The following ZNF804A variants were observed in gnomAD, a reference collection of about 807,000 sequenced individuals.
The protein encoded by ZNF804A is zinc finger protein 804A.
A neutral mutation model predicts 16.5 loss-of-function variants in ZNF804A; 2 were observed. The ratio of observed to expected loss-of-function variants is 0.12; its 90% CI spans 0.05 to 0.38. The LOEUF (loss-of-function observed/expected upper bound fraction) is 0.38. Among genes scored for constraint, ZNF804A ranks in the 10% least tolerant of loss-of-function variants. ZNF804A has a pLI of 0.99. For synonymous variants in ZNF804A, 534 were observed against 489.6 expected (o/e 1.09, Z -1.20); for missense variants, 1,473 against 1,390.7 (o/e 1.06, Z -0.94).
At chr2:184,776,446 G>C (rs1174087333) in intron 1 of ZNF804A, among the ~76,000 whole-genome samples, 1 of 151,176 alleles carries the variant, frequency 6.6e-6, no homozygotes, top group Non-Finnish European at 1.5e-5. Context: ...ACACTTTGGA[G>C]GTTCAGGTTT....
intron 1 of ZNF804A, among the ~76,000 whole-genome samples, chr2:184,763,599 C>T (rs1487485011): frequency 7.4e-6 from 1 of 134,422 alleles, no homozygotes; most frequent in African/African-American, 2.8e-5. Context: ...ATCTACCACT[C>T]TCTATTGCTT....
chr2:184,882,566 A>G (rs1482580354), intron 2 of ZNF804A, among the ~76,000 whole-genome samples: 1 of 152,082 alleles, frequency 6.6e-6, no homozygotes, highest in African/African-American at 2.4e-5. Flanking sequence ...AGCAAATTAA[A>G]AAATAATAAT....
rs372423343 is a variant in ZNF804A at position 184,803,306 on chromosome 2, C to T, written c.112-63063C>T. Among the ~76,000 whole-genome samples the T allele has an allele frequency of 1.4e-4, 22 of 152,198 alleles. No homozygotes were observed. The East Asian group carries it at 1.7e-3, about 12-fold the overall frequency. On this transcript the variant is annotated intron_variant, in intron 1 of 3. Coordinates refer to ENST00000302277, the MANE Select transcript of ZNF804A (RefSeq NM_194250.2). ...TCTTTAAATGTCATATTCTCATTGA[C>T]GCCCACCCTGACTGCCATATTTATA...
At chr2:184,662,028 G>C (rs1264113367) in intron 1 of ZNF804A, among the ~76,000 whole-genome samples, 1 of 152,170 alleles carries the variant, frequency 6.6e-6, no homozygotes, top group Admixed American at 6.6e-5. Context: ...GCACAACCCT[G>C]GAGAACTTTC....
rs141397832 is a variant in ZNF804A, at chr2:184,938,625, C to A, written c.3229C>A (p.Pro1077Thr). The A allele has an allele frequency of 5.6e-6, 9 of 1,613,854 alleles. No homozygotes were observed. In the African/African-American group the frequency reaches 1.1e-4, roughly 19 times the overall value. Reference sequence around the variant, plus strand: ...CTTTCCTCCAGCTGCCCTCCCACCCCCTAGCACACCTCTGCAGCCTTTGCC... The same window carrying A: ...CTTTCCTCCAGCTGCCCTCCCACCCACTAGCACACCTCTGCAGCCTTTGCC... ...FTFPPAALPP[P>T]STPLQPLPLQ... is the part of the protein sequence containing the mutation. Residue 1077 changes from proline (P) to threonine (T), a missense_variant, in exon 4 of 4, where the codon CCT becomes ACT. Physicochemically the swap from Pro to Thr is conservative, Grantham distance 38. Transcript: ENST00000302277.
At chr2:184,887,836 T>C (rs983422072) in intron 2 of ZNF804A, among the ~76,000 whole-genome samples, 9 of 152,116 alleles carry the variant, frequency 5.9e-5, no homozygotes, top group Non-Finnish European at 1.0e-4. Context: ...AGCCAAACCA[T>C]ATCAGGCCAC....
At chr2:184,691,080 C>T (rs1692717945) in intron 1 of ZNF804A, among the ~76,000 whole-genome samples, 1 of 151,898 alleles carries the variant, frequency 6.6e-6, no homozygotes. Context: ...GGGTTCACTC[C>T]ATCTGTATGG....
chr2:184,760,025 C>A (rs1036004049), intron 1 of ZNF804A, among the ~76,000 whole-genome samples: 8 of 152,078 alleles, frequency 5.3e-5, no homozygotes, highest in Non-Finnish European at 4.4e-5. Context: ...TCGCTGAGTC[C>A]GCCCTTAGTA....
intron 1 of ZNF804A, among the ~76,000 whole-genome samples, chr2:184,630,633 C>T (rs902443079): frequency 2.0e-5 from 3 of 152,186 alleles, no homozygotes; most frequent in Admixed American, 2.0e-4. Flanking sequence ...AAGGTTTAAT[C>T]TACTCATCTA....
intron 1 of ZNF804A, among the ~76,000 whole-genome samples, chr2:184,808,712 T>A (rs1206737686): frequency 6.6e-6 from 1 of 151,610 alleles, no homozygotes; most frequent in Non-Finnish European, 1.5e-5. Context: ...ACCCTAAATA[T>A]TTAGTAAAAA....
intron 2 of ZNF804A, among the ~76,000 whole-genome samples, chr2:184,927,512 C>G (rs1046050748): frequency 6.6e-6 from 1 of 152,200 alleles, no homozygotes; most frequent in African/African-American, 2.4e-5. Context: ...CTCCTCTTCA[C>G]TCAAAGCCTT....
rs1174181059 is a variant in ZNF804A at position 184,938,462 on chromosome 2, A to C, written c.3066A>C (p.Gln1022His). The C allele has an allele frequency of 1.9e-6, 3 of 1,613,958 alleles. No individual in the cohort carries two copies. Among genetic ancestry groups the C allele is most frequent in the Admixed American group, 1.7e-5 (1 of 59,970 alleles). The change falls in exon 4 of 4, where the codon CAA becomes CAC. Residue 1022 changes from glutamine to histidine, a missense_variant. By Grantham distance (24) the Gln-to-His change is conservative (BLOSUM62 0). Coordinates refer to ENST00000302277, the MANE Select transcript of ZNF804A (RefSeq NM_194250.2). ...VSGHTFVTAE[Q>H]ILAPLALPEQ... The stretch of plus-strand genomic sequence containing the variant: ...GTCATACTTTTGTAACAGCTGAGCA[A>C]ATCCTGGCTCCATTAGCTTTACCAG...
At chr2:184,714,420 AT>A (rs1242356710) in intron 1 of ZNF804A, among the ~76,000 whole-genome samples, 2 of 152,116 alleles carry the variant, frequency 1.3e-5, no homozygotes, top group African/African-American at 4.8e-5. Context: ...AAAGTTTAGA[AT>A]TGTTATATTC....
At chr2:184,877,720 A>T (rs1684730676) in intron 2 of ZNF804A, among the ~76,000 whole-genome samples, 1 of 152,046 alleles carries the variant, frequency 6.6e-6, no homozygotes, top group South Asian at 2.1e-4. Flanking sequence ...CTTTCCAGAA[A>T]ATTATAGTTT....
At chr2:184,840,891 C>T (rs1228929915) in intron 1 of ZNF804A, among the ~76,000 whole-genome samples, 1 of 152,076 alleles carries the variant, frequency 6.6e-6, no homozygotes, top group Non-Finnish European at 1.5e-5. Context: ...TTTTGCTTTA[C>T]CCCTGAAACA....
intron 1 of ZNF804A, among the ~76,000 whole-genome samples, chr2:184,674,850 C>T (rs1692396086): frequency 6.6e-6 from 1 of 151,574 alleles, no homozygotes; most frequent in Admixed American, 6.6e-5. Context: ...AAGTAAAATT[C>T]CATGTCAACA....
chr2:184,601,328 C>T (rs1574125997), intron 1 of ZNF804A, among the ~76,000 whole-genome samples: 1 of 152,056 alleles, frequency 6.6e-6, no homozygotes, highest in East Asian at 1.9e-4. Context: ...GCTGTCTATA[C>T]TCACCCCAAA....
intron 1 of ZNF804A, among the ~76,000 whole-genome samples, chr2:184,640,598 C>A (rs1334753683): frequency 2.6e-5 from 4 of 152,030 alleles, no homozygotes; most frequent in African/African-American, 9.7e-5. Flanking sequence ...ACATTATTAA[C>A]AAACTATAAG....
chr2:184,795,923 G>C (rs1264641052), intron 1 of ZNF804A, among the ~76,000 whole-genome samples: 1 of 151,934 alleles, frequency 6.6e-6, no homozygotes, highest in South Asian at 2.1e-4. Flanking sequence ...GATTGAAATG[G>C]TTATTAAAAA....
Sources: gnomAD v4.1 joint callset for allele counts (sites outside exome capture counted in the v4.1 genomes callset) on GRCh38, gnomAD v4.1.1 for gene constraint, MANE v1.5 for transcripts, NCBI Gene and HGNC (gene_info 2026-07-23, HGNC 2026-07-21) for gene names.